Variants in DIP2C observed in about 807,000 individuals in gnomAD.
The protein encoded by DIP2C is disco-interacting protein 2 homolog C.
DIP2C carries 33 observed loss-of-function variants against 192.4 expected under a neutral mutation model. That is an observed-to-expected ratio of 0.17 (90% CI 0.13 to 0.23). The LOEUF (loss-of-function observed/expected upper bound fraction) is 0.23, where lower values mean the gene tolerates loss of function less well. DIP2C is among the 10% of genes least tolerant of loss of function. The probability of loss-of-function intolerance (pLI) is 1.00; values close to 1 mark genes in which losing one functional copy is unlikely to be tolerated. For synonymous variants in DIP2C, 979 were observed against 864.1 expected (o/e 1.13, Z -2.33); for missense variants, 1,537 against 2,110.1 (o/e 0.73, Z 5.32).
chr10:553,403 G>C (rs961817156), intron 1 of DIP2C, among the ~76,000 whole-genome samples: 2 of 152,196 alleles, frequency 1.3e-5, no homozygotes, highest in African/African-American at 4.8e-5. Flanking sequence ...CAAGCCCTTC[G>C]TGAGCCTAGA....
intron 17 of DIP2C, among the ~76,000 whole-genome samples, chr10:378,504 T>C (rs928231082): frequency 6.6e-6 from 1 of 151,338 alleles, no homozygotes; most frequent in Non-Finnish European, 1.5e-5. Context: ...CAGACATGCA[T>C]AAAGACACGT....
intron 1 of DIP2C, among the ~76,000 whole-genome samples, chr10:540,259 A>G (rs1847905647): frequency 6.6e-6 from 1 of 152,232 alleles, no homozygotes; most frequent in Non-Finnish European, 1.5e-5. Flanking sequence ...GTACTTGGAA[A>G]CTTTCAAGGA....
intron 4 of DIP2C, among the ~76,000 whole-genome samples, chr10:435,239 G>A (rs189233256): frequency 4.1e-4 from 62 of 152,258 alleles, no homozygotes; most frequent in Non-Finnish European, 3.2e-4. Flanking sequence ...CCCCAGGCCG[G>A]AAGGCTTTGA....
chr10:657,679 C>A (rs1253932501), intron 1 of DIP2C, among the ~76,000 whole-genome samples: 4 of 128,622 alleles, frequency 3.1e-5, no homozygotes, highest in African/African-American at 8.5e-5. Context: ...GCCGCTGGAC[C>A]TGATGCTGGA....
intron 1 of DIP2C, among the ~76,000 whole-genome samples, chr10:534,978 G>A (rs904955716): frequency 6.6e-6 from 1 of 152,166 alleles, no homozygotes; most frequent in African/African-American, 2.4e-5. Context: ...GCCCGGCCTG[G>A]ATGATTATTT....
At chr10:598,308 G>A (rs1337130052) in intron 1 of DIP2C, among the ~76,000 whole-genome samples, 3 of 152,052 alleles carry the variant, frequency 2.0e-5, no homozygotes, top group African/African-American at 7.2e-5. Flanking sequence ...CCCACCCCGA[G>A]GGCAGCTGCG....
chr10:514,797 G>A (rs544824149), intron 1 of DIP2C, among the ~76,000 whole-genome samples: 45 of 152,290 alleles, frequency 3.0e-4, no homozygotes, highest in Admixed American at 1.6e-3. Flanking sequence ...TCCATGGGGG[G>A]CTTTATGCCT....
intron 14 of DIP2C, among the ~76,000 whole-genome samples, chr10:387,123 T>C (rs1050040688): frequency 2.6e-5 from 4 of 152,192 alleles, no homozygotes; most frequent in Admixed American, 6.5e-5. Flanking sequence ...TACGGGACAG[T>C]AGCCCACACA....
Position 420,699 on chromosome 10 carries a change from T to C in DIP2C, c.605-1500A>G, listed in dbSNP as rs757233350. 5.3e-5 allele frequency among the ~76,000 whole-genome samples: 8 copies of C among 152,236 alleles called. No homozygotes were observed. The South Asian group carries it at 6.2e-4, about 12-fold the overall frequency. On this transcript the variant is annotated intron_variant, in intron 5 of 36. Coordinates refer to ENST00000280886, the MANE Select transcript of DIP2C (RefSeq NM_014974.3). Reference sequence around the variant, plus strand: ...TAAGATACATGTGAGATGTCCCTACTTAATTGCCGGCATAATTAAATTGGT... The same window carrying C: ...TAAGATACATGTGAGATGTCCCTACCTAATTGCCGGCATAATTAAATTGGT...
chr10:559,996 C>T lies in DIP2C; in HGVS notation c.86-73466G>A, dbSNP rs543333282. Among the ~76,000 whole-genome samples, 180 of 145,698 alleles carry T rather than the reference C, an allele frequency of 1.2e-3. 1 individual carries two copies. The highest frequency in any genetic ancestry group is 4.2e-3 in the African/African-American group (168 of 40,430). On this transcript the variant is annotated intron_variant, in intron 1 of 36. Transcript: ENST00000280886. ...CCCCACTCCTGTTCTCCTCTCCCCC[C>T]GATCCAGTTCTCACCTCTCTCCCCA...
Position 363,145 on chromosome 10 carries a change from G to A in DIP2C, c.2592+52C>T, listed in dbSNP as rs1227969268. 4.0e-6 allele frequency: 6 copies of A among 1,518,488 alleles called. No homozygotes were observed. The East Asian group carries it at 1.4e-4, about 35-fold the overall frequency. The allele number at this position is 1,518,488 out of a possible 1,614,324, so 94.1% of individuals were successfully genotyped here. A position where few individuals can be genotyped will look rare whatever the true frequency, so the allele number is the denominator to read the frequency against. On this transcript the variant is annotated intron_variant, in intron 21 of 36. Coordinates refer to ENST00000280886, the MANE Select transcript of DIP2C (RefSeq NM_014974.3). The surrounding 1 kb of genome is among the most constrained non-coding windows in gnomAD (Gnocchi z 5.4). ...CACACCATGATCTGAATGAAGTAAG[G>A]AGGCCAGAAACAAGACACAGGGGAC...
intron 1 of DIP2C, among the ~76,000 whole-genome samples, chr10:550,727 G>A (rs1241428517): frequency 7.9e-5 from 12 of 152,116 alleles, no homozygotes; most frequent in Admixed American, 5.9e-4. Flanking sequence ...CTCCCCCTAC[G>A]ATTTTGTGAA....
intron 1 of DIP2C, among the ~76,000 whole-genome samples, chr10:670,232 GCA>G (rs1830552803): frequency 7.0e-6 from 1 of 142,568 alleles, no homozygotes; most frequent in African/African-American, 3.1e-5. Context: ...ACGCATGCAT[GCA>G]CACGCATATG....
rs553049337 is a variant in DIP2C at position 305,037 on chromosome 10, G to A, written c.3986+4994C>T. Among the ~76,000 whole-genome samples, 14 of 152,216 alleles carry A rather than the reference G, an allele frequency of 9.2e-5. 1 individual carries two copies. The highest frequency in any genetic ancestry group is 8.3e-4 in the South Asian group (4 of 4,828). On this transcript the variant is annotated intron_variant, in intron 32 of 36. Transcript: ENST00000280886. ...ACACACTCATGACACATATATGCAC[G>A]TGTCTATACTTGCAGCACACACTAC...
chr10:331,937 T>G (rs1016034578), intron 29 of DIP2C, among the ~76,000 whole-genome samples: 21 of 151,558 alleles, frequency 1.4e-4, no homozygotes, highest in Non-Finnish European at 2.8e-4. Context: ...TTTCTTTTTT[T>G]CTGAGACAGA....
chr10:616,416 A>ATGAAC (rs1853475376), intron 1 of DIP2C, among the ~76,000 whole-genome samples: 4 of 152,230 alleles, frequency 2.6e-5, no homozygotes, highest in African/African-American at 9.6e-5. Flanking sequence ...CTTTGTTCAT[A>ATGAAC]AAAGATTTTC....
intron 3 of DIP2C, among the ~76,000 whole-genome samples, chr10:459,139 A>G (rs1969543094): frequency 6.6e-6 from 1 of 152,192 alleles, no homozygotes; most frequent in Non-Finnish European, 1.5e-5. Flanking sequence ...AAAGTAAATC[A>G]AAACTTTTTA....
chr10:541,382 C>G (rs1847974312), intron 1 of DIP2C, among the ~76,000 whole-genome samples: 1 of 152,090 alleles, frequency 6.6e-6, no homozygotes, highest in Non-Finnish European at 1.5e-5. Flanking sequence ...GCTTGACCTT[C>G]CACCTGACCA....
At chr10:508,376 G>A (rs1489212357) in intron 1 of DIP2C, among the ~76,000 whole-genome samples, 1 of 152,120 alleles carries the variant, frequency 6.6e-6, no homozygotes, top group Non-Finnish European at 1.5e-5. Context: ...TTACTCCCTT[G>A]CTCCCCAGCG....
Sources: gnomAD v4.1 joint callset for allele counts (sites outside exome capture counted in the v4.1 genomes callset) on GRCh38, gnomAD v4.1.1 for gene constraint, Gnocchi (gnomAD v3.1) non-coding constraint, MANE v1.5 for transcripts, NCBI Gene and HGNC (gene_info 2026-07-23, HGNC 2026-07-21) for gene names.